Variants in CTNNA2 observed in about 807,000 individuals in gnomAD.
CTNNA2 encodes the protein catenin alpha-2.
Under a neutral mutation model 101.0 loss-of-function variants are expected in CTNNA2, and 42 were observed. The ratio of observed to expected loss-of-function variants is 0.42; its 90% CI spans 0.32 to 0.54. The LOEUF (loss-of-function observed/expected upper bound fraction) is 0.54, where lower values mean the gene tolerates loss of function less well. Among genes scored for constraint, CTNNA2 ranks in the 20% least tolerant of loss-of-function variants. The pLI is 0.14. For synonymous variants in CTNNA2, 450 were observed against 456.4 expected, an observed-to-expected ratio of 0.99 and a Z score of 0.18; for missense variants, 871 against 1,223.1, an observed-to-expected ratio of 0.71 and a Z score of 4.29.
At chr2:79,631,669 G>A (rs906705173) in intron 1 of CTNNA2, among the ~76,000 whole-genome samples, 3 of 152,144 alleles carry the variant, frequency 2.0e-5, no homozygotes, top group Admixed American at 1.3e-4. Context: ...TTTGCAACAC[G>A]AAGTTTAGAG....
At chr2:80,006,769 T>G (rs11884910) in intron 7 of CTNNA2, among the ~76,000 whole-genome samples, 5,472 of 152,254 alleles carry the variant, frequency 0.036, 330 homozygotes, top group African/African-American at 0.12. Flanking sequence ...CAGGGCACTT[T>G]GGTAAGTTGC....
intron 4 of CTNNA2, among the ~76,000 whole-genome samples, chr2:79,428,217 T>G (rs369339082): frequency 6.6e-6 from 1 of 152,116 alleles, no homozygotes; most frequent in Non-Finnish European, 1.5e-5. Context: ...TGATCCATGT[T>G]TTCAATATTT....
intron 4 of CTNNA2, among the ~76,000 whole-genome samples, chr2:79,461,943 A>T (rs879598148): frequency 6.6e-5 from 10 of 152,038 alleles, no homozygotes; most frequent in Non-Finnish European, 1.3e-4. Flanking sequence ...CAGTAGCAAA[A>T]ATTTTTTAAT....
At chr2:80,501,759 G>T (rs1372834589) in intron 9 of CTNNA2, among the ~76,000 whole-genome samples, 1 of 152,098 alleles carries the variant, frequency 6.6e-6, no homozygotes, top group Non-Finnish European at 1.5e-5. Context: ...CCTGAACTCA[G>T]ATCTATCCCA....
At chr2:79,200,593 G>A (rs1164172922) in intron 2 of CTNNA2, among the ~76,000 whole-genome samples, 1 of 152,042 alleles carries the variant, frequency 6.6e-6, no homozygotes, top group Non-Finnish European at 1.5e-5. Context: ...ATACAGCAGA[G>A]GGTGACAAGA....
intron 3 of CTNNA2, among the ~76,000 whole-genome samples, chr2:79,814,638 C>CACACACACACACAT (rs145584853): frequency 7.1e-4 from 104 of 147,056 alleles, no homozygotes; most frequent in African/African-American, 2.4e-3. Flanking sequence ...CACACACACA[C>CACACACACACACAT]ATATATATAT....
At chr2:79,994,735 T>C (rs1053440584) in intron 7 of CTNNA2, among the ~76,000 whole-genome samples, 3 of 152,214 alleles carry the variant, frequency 2.0e-5, no homozygotes, top group Non-Finnish European at 4.4e-5. Flanking sequence ...GTACATTTTC[T>C]AAATATGTCT....
chr2:80,546,472 G>A (rs1558572808), intron 11 of CTNNA2, among the ~76,000 whole-genome samples: 1 of 151,818 alleles, frequency 6.6e-6, no homozygotes, highest in African/African-American at 2.4e-5. Flanking sequence ...GTTTTGTTTT[G>A]TTTTTTTTCC....
chr2:80,588,259 TCAG>T (rs1696142827), intron 14 of CTNNA2, among the ~76,000 whole-genome samples: 1 of 152,210 alleles, frequency 6.6e-6, no homozygotes, highest in African/African-American at 2.4e-5. Context: ...TAGACGCACT[TCAG>T]CACCATGCTT....
intron 7 of CTNNA2, among the ~76,000 whole-genome samples, chr2:80,103,502 G>A (rs1441699857): frequency 4.6e-5 from 7 of 152,120 alleles, no homozygotes; most frequent in African/African-American, 7.2e-5. Flanking sequence ...AATTCCAAGA[G>A]GGGTATAATT....
intron 1 of CTNNA2, among the ~76,000 whole-genome samples, chr2:79,192,916 C>A (rs1434988446): frequency 6.6e-6 from 1 of 151,904 alleles, no homozygotes; most frequent in African/African-American, 2.4e-5. Flanking sequence ...AGAAATAGAA[C>A]TCTAACAGTA....
chr2:80,313,681 G>C, intron 7 of CTNNA2: 1 of 1,559,676 alleles, frequency 6.4e-7, no homozygotes, highest in Non-Finnish European at 8.7e-7. Context: ...GGTAAGAAAG[G>C]AGTGTGAATT....
intron 7 of CTNNA2, among the ~76,000 whole-genome samples, chr2:80,067,363 T>C (rs899445485): frequency 1.4e-4 from 22 of 152,146 alleles, no homozygotes; most frequent in Non-Finnish European, 2.4e-4. Flanking sequence ...TATATATATA[T>C]ATTTCAAAAC....
chr2:80,466,814 G>A (rs568326560), intron 9 of CTNNA2, among the ~76,000 whole-genome samples: 5 of 152,262 alleles, frequency 3.3e-5, no homozygotes, highest in African/African-American at 7.2e-5. Context: ...TAAATTTGGG[G>A]TTCCCCAAGG....
At chr2:79,536,974 T>C (rs1280407222) in intron 1 of CTNNA2, among the ~76,000 whole-genome samples, 1 of 152,198 alleles carries the variant, frequency 6.6e-6, no homozygotes, top group Non-Finnish European at 1.5e-5. Flanking sequence ...TGGATTTTAC[T>C]GTACTTACAT....
At chr2:80,610,705 AT>A (rs1698394146) in intron 17 of CTNNA2, among the ~76,000 whole-genome samples, 1 of 151,728 alleles carries the variant, frequency 6.6e-6, no homozygotes. Context: ...TTTTAGTCTT[AT>A]GCTGGCATGA....
At chr2:79,485,932 G>C (rs1301098140) in intron 4 of CTNNA2, among the ~76,000 whole-genome samples, 1 of 152,122 alleles carries the variant, frequency 6.6e-6, no homozygotes, top group Admixed American at 6.6e-5. Context: ...ATTTAACTCA[G>C]AGAACCTGAT....
intron 7 of CTNNA2, among the ~76,000 whole-genome samples, chr2:79,920,744 A>AG (rs1306017022): frequency 2.0e-5 from 3 of 152,206 alleles, no homozygotes; most frequent in Admixed American, 6.6e-5. Flanking sequence ...GCTTTATTTA[A>AG]GGCCCTGTCA....
chr2:80,335,448 C>T, intron 7 of CTNNA2, among the ~76,000 whole-genome samples: 1 of 152,176 alleles, frequency 6.6e-6, no homozygotes, highest in East Asian at 1.9e-4. Flanking sequence ...AGCTTCCACT[C>T]TGCCTGGGGT....
Sources: gnomAD v4.1 joint callset for allele counts (sites outside exome capture counted in the v4.1 genomes callset) on GRCh38, gnomAD v4.1.1 for gene constraint, MANE v1.5 for transcripts, NCBI Gene and HGNC (gene_info 2026-07-23, HGNC 2026-07-21) for gene names.